Variants in PPP3CA observed in about 807,000 individuals in gnomAD.
PPP3CA encodes the protein protein phosphatase 3 catalytic subunit alpha.
A neutral mutation model predicts 66.5 loss-of-function variants in PPP3CA; 14 were observed. That is an observed-to-expected ratio of 0.21 (90% CI 0.14 to 0.33). The LOEUF (loss-of-function observed/expected upper bound fraction) is 0.33, where lower values mean the gene tolerates loss of function less well. Among genes scored for constraint, PPP3CA ranks in the 10% least tolerant of loss-of-function variants. PPP3CA has a pLI of 1.00. For synonymous variants in PPP3CA, 232 were observed against 226.2 expected, an observed-to-expected ratio of 1.03 and a Z score of -0.23; for missense variants, 317 against 639.5, an observed-to-expected ratio of 0.50 and a Z score of 5.44.
intron 2 of PPP3CA, among the ~76,000 whole-genome samples, chr4:101,189,687 C>CAAAAAAAA (rs554383258): frequency 5.5e-5 from 4 of 72,606 alleles, no homozygotes; most frequent in African/African-American, 1.9e-4. Flanking sequence ...TAGTGAACGG[C>CAAAAAAAA]AAAAAAAAAA....
At chr4:101,127,376 C>T (rs1030746024) in intron 2 of PPP3CA, among the ~76,000 whole-genome samples, 6 of 152,086 alleles carry the variant, frequency 3.9e-5, no homozygotes, top group East Asian at 1.9e-4. Context: ...AATCAGGTCA[C>T]GCTTGATTGG....
At chr4:101,198,750 C>T (rs1216043687) in intron 1 of PPP3CA, among the ~76,000 whole-genome samples, 1 of 152,156 alleles carries the variant, frequency 6.6e-6, no homozygotes, top group African/African-American at 2.4e-5. Context: ...TAGACTCCAT[C>T]CAAGGCCAAG....
chr4:101,181,564 A>C (rs73833256), intron 2 of PPP3CA, among the ~76,000 whole-genome samples: 1 of 152,088 alleles, frequency 6.6e-6, no homozygotes, highest in Non-Finnish European at 1.5e-5. Flanking sequence ...CTTTCCTCAA[A>C]TAAGTATAAT....
intron 2 of PPP3CA, among the ~76,000 whole-genome samples, chr4:101,173,075 C>T (rs1723936833): frequency 1.3e-5 from 2 of 152,150 alleles, no homozygotes; most frequent in Admixed American, 1.3e-4. Flanking sequence ...CAACTTCTTC[C>T]TCTTAGTGTA....
chr4:101,091,844 A>G (rs1177316168), intron 6 of PPP3CA, among the ~76,000 whole-genome samples: 3 of 145,588 alleles, frequency 2.1e-5, no homozygotes, highest in East Asian at 3.9e-4. Flanking sequence ...TAATAATAAT[A>G]ATAATAATAA....
At chr4:101,169,487 A>C (rs1263057896) in intron 2 of PPP3CA, among the ~76,000 whole-genome samples, 5 of 152,158 alleles carry the variant, frequency 3.3e-5, no homozygotes, top group Admixed American at 1.3e-4. Flanking sequence ...AACCCTGGGG[A>C]GCATCAGTCA....
intron 1 of PPP3CA, among the ~76,000 whole-genome samples, chr4:101,319,673 A>C (rs1578661780): frequency 6.6e-6 from 1 of 152,178 alleles, no homozygotes; most frequent in East Asian, 1.9e-4. Context: ...TCAGTTAAAA[A>C]ATTGAGGTAA....
At chr4:101,201,932 T>C (rs1421014317) in intron 1 of PPP3CA, among the ~76,000 whole-genome samples, 7 of 152,226 alleles carry the variant, frequency 4.6e-5, no homozygotes, top group South Asian at 4.1e-4. Flanking sequence ...TGCTAGGCAG[T>C]GAGAGGAGCA....
At chr4:101,223,921 G>C (rs982972748) in intron 1 of PPP3CA, among the ~76,000 whole-genome samples, 1 of 151,588 alleles carries the variant, frequency 6.6e-6, no homozygotes, top group African/African-American at 2.4e-5. Flanking sequence ...AAAGTCAACA[G>C]TCTCCAATCT....
At chr4:101,162,234 T>C (rs1723538000) in intron 2 of PPP3CA, among the ~76,000 whole-genome samples, 1 of 139,764 alleles carries the variant, frequency 7.2e-6, no homozygotes, top group South Asian at 2.3e-4. Context: ...AGCAAGACTC[T>C]GGCCAAAACA....
At chr4:101,346,507 C>A (rs1339890287) in intron 1 of PPP3CA, among the ~76,000 whole-genome samples, 1 of 152,048 alleles carries the variant, frequency 6.6e-6, no homozygotes, top group South Asian at 2.1e-4. Context: ...CAACTGACGC[C>A]CCCGTCAATA....
rs547140118 is a variant in PPP3CA, at chr4:101,321,212, C to G, written c.58+25527G>C. On this transcript the variant is annotated intron_variant, in intron 1 of 13. Coordinates refer to ENST00000394854, the MANE Select transcript of PPP3CA (RefSeq NM_000944.5). ...TAGATATAATGCTTATAAACAAACT[C>G]AAGGATAGATCTACAGAGGTAAACA... Among the ~76,000 whole-genome samples, 8 of 152,092 alleles carry G rather than the reference C, an allele frequency of 5.3e-5. No homozygotes were observed. The East Asian group carries it at 1.5e-3, about 29-fold the overall frequency.
intron 11 of PPP3CA, among the ~76,000 whole-genome samples, chr4:101,040,130 CA>C: frequency 6.6e-6 from 1 of 152,060 alleles, no homozygotes; most frequent in East Asian, 1.9e-4. Context: ...CATCTTTCAC[CA>C]CGAGCCAGAA....
At chr4:101,086,551 T>C (rs938028958) in intron 6 of PPP3CA, among the ~76,000 whole-genome samples, 1 of 152,232 alleles carries the variant, frequency 6.6e-6, no homozygotes, top group African/African-American at 2.4e-5. Context: ...ATGTTTTTTT[T>C]TTAAATGTTT....
intron 1 of PPP3CA, among the ~76,000 whole-genome samples, chr4:101,312,475 T>C (rs887965946): frequency 1.3e-5 from 2 of 151,926 alleles, no homozygotes; most frequent in African/African-American, 2.4e-5. Flanking sequence ...TACCTAAGAA[T>C]AAAAAGCAAA....
rs1730030042 is a variant in PPP3CA at position 101,346,985 on chromosome 4, G to A, written c.-189C>T. On this transcript the variant is annotated 5_prime_UTR_variant, in exon 1 of 14. Transcript: ENST00000394854. Reference sequence around the variant, plus strand: ...CTTTTCCGCGCGTCCCTCCTCCGCCGCCGCCGCCTTCACTCCTCCTCCGCC... The same window carrying A: ...CTTTTCCGCGCGTCCCTCCTCCGCCACCGCCGCCTTCACTCCTCCTCCGCC... 1.6e-6 allele frequency: 1 copy of A among 641,384 alleles called. No individual in the cohort carries two copies. The highest frequency in any genetic ancestry group is 2.7e-6 in the Non-Finnish European group (1 of 374,862). 39.7% of individuals were successfully genotyped at this position (641,384 alleles called of 1,614,324 possible). A position where few individuals can be genotyped will look rare whatever the true frequency, so the allele number is the denominator to read the frequency against.
chr4:101,346,659 G>A (rs1328339223), intron 1 of PPP3CA, 80 bp downstream of exon 1: 32 of 1,205,848 alleles, frequency 2.7e-5, no homozygotes, highest in Non-Finnish European at 3.8e-5. Flanking sequence ...GCGGGGGAGG[G>A]GAGGAAAGGC....
chr4:101,054,542 ATATATTC>A (rs1217168189), intron 10 of PPP3CA, among the ~76,000 whole-genome samples: 1 of 151,440 alleles, frequency 6.6e-6, no homozygotes, highest in Non-Finnish European at 1.5e-5. Context: ...GTAGAAAATA[ATATATTC>A]ATACCCTTAG....
intron 1 of PPP3CA, among the ~76,000 whole-genome samples, chr4:101,231,511 C>T (rs1725962109): frequency 6.6e-6 from 1 of 151,606 alleles, no homozygotes; most frequent in African/African-American, 2.4e-5. Context: ...CAAATGAAGA[C>T]TAGCTTTTGT....
Sources: allele counts gnomAD v4.1 joint callset (sites outside exome capture counted in the v4.1 genomes callset), GRCh38; gene constraint gnomAD v4.1.1; transcripts MANE v1.5; gene names NCBI Gene and HGNC (gene_info 2026-07-23, HGNC 2026-07-21).